Variants in RSPH3 observed in about 807,000 individuals in gnomAD.
RSPH3 encodes radial spoke head protein 3 homolog.
RSPH3 carries 21 observed loss-of-function variants against 43.8 expected under a neutral mutation model. The ratio of observed to expected loss-of-function variants is 0.48; its 90% CI spans 0.34 to 0.69. The LOEUF is 0.69. Among genes scored for constraint, RSPH3 ranks in the 30% least tolerant of loss-of-function variants. The pLI, the probability that RSPH3 is intolerant of heterozygous loss-of-function variation, is 0.01. For missense variants in RSPH3, 487 were observed against 516.0 expected, an observed-to-expected ratio of 0.94 and a Z score of 0.54; for synonymous variants, 173 against 179.8, an observed-to-expected ratio of 0.96 and a Z score of 0.30.
intron 6 of RSPH3, among the ~76,000 whole-genome samples, chr6:158,978,960 C>T (rs1777941194): frequency 6.6e-6 from 1 of 152,084 alleles, no homozygotes; most frequent in South Asian, 2.1e-4. Context: ...GAACTCCAAT[C>T]CAAATGCAAT....
At position 158,982,498 on chromosome 6, in the gene RSPH3, T is replaced by C. The variant is rs1778064873; in HGVS notation, c.683A>G (p.His228Arg). 1.3e-6 allele frequency: 2 copies of C among 1,591,638 alleles called. No individual in the cohort carries two copies. The highest frequency in any genetic ancestry group is 1.1e-5 in the South Asian group (1 of 89,818). ...VQRLEEQERR[H>R]REEKERRKKQ... ...AATTATATATACTTTTTCTTCTCGG[T>C]GTCGCCTCTCTTGCTCTTCAAGTCG... Residue 228 changes from histidine to arginine, a missense_variant, in exon 5 of 8, where the codon CAC (histidine) becomes CGC (arginine). Transcript: ENST00000367069.
chr6:158,980,484 G>A (rs1286094966), intron 6 of RSPH3, among the ~76,000 whole-genome samples: 1 of 151,394 alleles, frequency 6.6e-6, no homozygotes. Context: ...AGGTCATCAA[G>A]CTAGCTAATG....
chr6:158,966,248 C>A, the RSPH3 span, among the ~76,000 whole-genome samples: 1 of 152,022 alleles, frequency 6.6e-6, no homozygotes, highest in Non-Finnish European at 1.5e-5. Flanking sequence ...TAGTATTTCA[C>A]TGAGGATTTT....
intron 2 of RSPH3, among the ~76,000 whole-genome samples, chr6:158,988,788 T>C (rs1385708401): frequency 3.3e-5 from 5 of 152,166 alleles, no homozygotes; most frequent in African/African-American, 1.2e-4. Context: ...AATTTCTAAA[T>C]TGCTTTTCTG....
In RSPH3 at chr6:158,980,945, A is replaced by G. The variant is rs769307550; in HGVS notation, c.697-9T>C. ...TGTTTCTTACGCCGTTCCTGCCAAG[A>G]ACGACAGAGGTGGTTATTTAGCTCT... On this transcript the variant is annotated splice_polypyrimidine_tract_variant and intron_variant, in intron 5 of 7. Coordinates refer to ENST00000367069, the MANE Select transcript of RSPH3 (RefSeq NM_031924.8). 29 of 1,613,640 alleles carry G rather than the reference A, an allele frequency of 1.8e-5. No individual in the cohort carries two copies. The highest frequency in any genetic ancestry group is 2.5e-6 in the Non-Finnish European group (3 of 1,179,696).
In RSPH3 at chr6:158,999,468, T is replaced by C. The variant is rs1385021652; in HGVS notation, c.83A>G (p.Gln28Arg). 6.6e-7 allele frequency: 1 copy of C among 1,516,912 alleles called. No homozygotes were observed. The highest frequency in any genetic ancestry group is 8.8e-7 in the Non-Finnish European group (1 of 1,134,002). The allele number at this position is 1,516,912 out of a possible 1,614,324, so 94.0% of individuals were successfully genotyped here. A position where few individuals can be genotyped will look rare whatever the true frequency, so the allele number is the denominator to read the frequency against. Residue 28 changes from glutamine (Q) to arginine (R), a missense_variant, in exon 1 of 8, where the codon CAG becomes CGG. Transcript: ENST00000367069. ...CAGGCTGTCCCGGTAACGGCTGCGC[T>C]GGCAGGGCAGTGCTCGGGGCCGGCT... is the stretch of plus-strand genomic sequence containing the variant. ...YTSRPRALPCQRSRYRDSLTQ... is the reference protein window; with the variant it reads ...YTSRPRALPCRRSRYRDSLTQ...
the RSPH3 span, among the ~76,000 whole-genome samples, chr6:158,966,616 T>G: frequency 6.6e-6 from 1 of 151,998 alleles, no homozygotes; most frequent in Non-Finnish European, 1.5e-5. Context: ...CTACAGTTGT[T>G]CATAATATTC....
At chr6:158,963,012 A>G in the RSPH3 span, among the ~76,000 whole-genome samples, 1 of 152,224 alleles carries the variant, frequency 6.6e-6, no homozygotes. Flanking sequence ...ATAATTTTAG[A>G]AGAGTAAAAA....
chr6:158,979,447 G>A (rs12193306), intron 6 of RSPH3, among the ~76,000 whole-genome samples: 1 of 151,974 alleles, frequency 6.6e-6, no homozygotes, highest in African/African-American at 2.4e-5. Flanking sequence ...GATGATAGCC[G>A]AGAATGAACA....
chr6:158,995,021 A>G (rs1232381381), intron 1 of RSPH3, among the ~76,000 whole-genome samples: 1 of 151,808 alleles, frequency 6.6e-6, no homozygotes, highest in Non-Finnish European at 1.5e-5. Flanking sequence ...TTTTTCTACT[A>G]CTTCTCTAAC....
chr6:158,969,448 T>C (rs1562553429), downstream of RSPH3, among the ~76,000 whole-genome samples: 1 of 152,272 alleles, frequency 6.6e-6, no homozygotes, highest in East Asian at 1.9e-4. Flanking sequence ...TCTATTTGTC[T>C]CTGTCTCTTG....
chr6:158,990,323 G>A (rs951891375), intron 2 of RSPH3: 2 of 152,202 alleles, frequency 1.3e-5, no homozygotes, highest in Non-Finnish European at 2.9e-5. Context: ...TCTCCTTGAA[G>A]CTTTTTCACT....
In RSPH3 at chr6:158,978,361, T is replaced by C; in HGVS notation, c.860-15A>G. The C allele has an allele frequency of 4.3e-6, 5 of 1,172,888 alleles. No individual in the cohort carries two copies. The highest frequency in any genetic ancestry group is 5.1e-6 in the Non-Finnish European group (4 of 787,860). The allele number at this position is 1,172,888 out of a possible 1,614,324, so 72.7% of individuals were successfully genotyped here. ...TATCTCAATATCTGTAATAAAAGAA[T>C]TCATTGATTTTCATGTATTATCAGA... is the stretch of plus-strand genomic sequence containing the variant. On this transcript the variant is annotated splice_polypyrimidine_tract_variant and intron_variant, in intron 6 of 7. Coordinates refer to ENST00000367069, the MANE Select transcript of RSPH3 (RefSeq NM_031924.8).
chr6:158,987,272 G>C (rs1425945715), intron 2 of RSPH3, among the ~76,000 whole-genome samples: 1 of 152,120 alleles, frequency 6.6e-6, no homozygotes, highest in African/African-American at 2.4e-5. Flanking sequence ...TTTATCTGAT[G>C]TAAGTATACT....
chr6:158,982,181 G>A (rs529802971), intron 5 of RSPH3, among the ~76,000 whole-genome samples: 2 of 152,044 alleles, frequency 1.3e-5, no homozygotes, highest in East Asian at 3.9e-4. Context: ...CTTTCTTTAG[G>A]ACTCCTGATA....
At chr6:158,997,560 G>T (rs1778636848) in intron 1 of RSPH3, among the ~76,000 whole-genome samples, 1 of 152,070 alleles carries the variant, frequency 6.6e-6, no homozygotes, top group Non-Finnish European at 1.5e-5. Context: ...CAATGATTAT[G>T]ATTTGTAAGA....
At position 158,977,588 on chromosome 6, in the gene RSPH3, C is replaced by G; in HGVS notation, c.1207G>C (p.Asp403His). The change falls in exon 8 of 8, where the codon GAT (aspartate) becomes CAT (histidine). Residue 403 changes from aspartate (D) to histidine (H), a missense_variant. Physicochemically the swap from Asp to His is moderately conservative, Grantham distance 81. Transcript: ENST00000367069. ...GACTTCCTCATTGCTGTTTCTTCAT[C>G]TTGCCCTAAGAGTTCTCTCTCTTCC... Reference protein sequence around the residue: ...FMEERELLGQDEETAMRKSLG... With the variant: ...FMEERELLGQHEETAMRKSLG... 6.2e-7 allele frequency: 1 copy of G among 1,613,904 alleles called. No individual in the cohort carries two copies. The highest frequency in any genetic ancestry group is 1.3e-5 in the African/African-American group (1 of 75,034).
At chr6:158,992,618 T>G (rs563777516) in intron 2 of RSPH3, among the ~76,000 whole-genome samples, 85 of 152,272 alleles carry the variant, frequency 5.6e-4, no homozygotes, top group African/African-American at 2.0e-3. Flanking sequence ...AGGTAGGCTA[T>G]GCTATGTTAT....
intron 1 of RSPH3, among the ~76,000 whole-genome samples, chr6:158,994,434 G>T (rs3127179): frequency 0.8 from 121,601 of 152,182 alleles, 48,953 homozygotes; most frequent in East Asian, 0.91. Context: ...AGTTATTGTT[G>T]AAAATGTTAA....
Sources: allele counts gnomAD v4.1 joint callset (sites outside exome capture counted in the v4.1 genomes callset), GRCh38; gene constraint gnomAD v4.1.1; transcripts MANE v1.5; gene names NCBI Gene and HGNC (gene_info 2026-07-23, HGNC 2026-07-21).